CRACD: variants seen among roughly 807,000 people sequenced by gnomAD.
CRACD encodes capping protein inhibiting regulator of actin dynamics.
Under a neutral mutation model 106.8 loss-of-function variants are expected in CRACD, and 56 were observed. The ratio of observed to expected loss-of-function variants is 0.52; its 90% CI spans 0.42 to 0.66. The LOEUF is 0.66. Ranked by LOEUF, CRACD falls within the 30% of genes least tolerant of loss-of-function variation. The pLI is 0.00. For synonymous variants in CRACD, 754 were observed against 670.8 expected (o/e 1.12, Z -1.92); for missense variants, 1,730 against 1,623.2 (o/e 1.07, Z -1.13).
At chr4:56,194,162 C>G (rs1215815320) in intron 2 of CRACD, among the ~76,000 whole-genome samples, 1 of 152,118 alleles carries the variant, frequency 6.6e-6, no homozygotes, top group African/African-American at 2.4e-5. Flanking sequence ...TATACAGTGG[C>G]AAAAGATTCT....
At chr4:56,066,001 G>A (rs1328486597) in intron 1 of CRACD, among the ~76,000 whole-genome samples, 1 of 152,174 alleles carries the variant, frequency 6.6e-6, no homozygotes, top group Non-Finnish European at 1.5e-5. Context: ...TATTCACGTG[G>A]TAGCATCTAT....
At chr4:56,298,048 C>T in intron 3 of CRACD, 166 bp from the exon 4 acceptor site, 1 of 658,144 alleles carries the variant, frequency 1.5e-6, no homozygotes, top group Non-Finnish European at 2.5e-6. Context: ...CTTTTGTCTA[C>T]CCAGCTCCTT....
intron 3 of CRACD, among the ~76,000 whole-genome samples, chr4:56,286,525 C>CAAAAAAAAA (rs61498428): frequency 5.5e-4 from 49 of 89,372 alleles, no homozygotes; most frequent in African/African-American, 1.4e-3. Flanking sequence ...GACTCCGTCT[C>CAAAAAAAAA]AAAAAAAAAA....
chr4:56,188,428 A>G (rs80044287), intron 2 of CRACD, among the ~76,000 whole-genome samples: 3,007 of 151,888 alleles, frequency 0.02, 107 homozygotes, highest in African/African-American at 0.069. Flanking sequence ...GATAGATGAG[A>G]TTGCTCACCC....
At chr4:56,299,625 G>A (rs1194179340) in intron 4 of CRACD, among the ~76,000 whole-genome samples, 4 of 151,356 alleles carry the variant, frequency 2.6e-5, no homozygotes, top group Non-Finnish European at 5.9e-5. Flanking sequence ...AACTGAGATT[G>A]CACCACTGCA....
intron 10 of CRACD, 84 bp from the exon 11 acceptor site, chr4:56,327,560 T>C: frequency 8.6e-7 from 1 of 1,169,432 alleles, no homozygotes; most frequent in Non-Finnish European, 1.2e-6. Flanking sequence ...GATAAATACA[T>C]AGTTTATCAT....
chr4:56,159,964 A>G (rs2109902080), intron 1 of CRACD, among the ~76,000 whole-genome samples: 1 of 150,746 alleles, frequency 6.6e-6, no homozygotes, highest in South Asian at 2.1e-4. Context: ...TATTTTTAGT[A>G]GAGACGGGGT....
chr4:56,146,245 G>T (rs562305194), intron 1 of CRACD, among the ~76,000 whole-genome samples: 2 of 151,976 alleles, frequency 1.3e-5, no homozygotes, highest in East Asian at 3.9e-4. Context: ...AGATATAAAG[G>T]CATTCGTTTT....
intron 1 of CRACD, among the ~76,000 whole-genome samples, chr4:56,090,020 T>G (rs1220292556): frequency 6.6e-6 from 1 of 152,112 alleles, no homozygotes; most frequent in Non-Finnish European, 1.5e-5. Flanking sequence ...AACCAAAATA[T>G]TCTGAGGGGC....
chr4:56,101,890 T>C (rs1463231717), intron 1 of CRACD, among the ~76,000 whole-genome samples: 1 of 152,208 alleles, frequency 6.6e-6, no homozygotes, highest in African/African-American at 2.4e-5. Context: ...CAGATTTGTT[T>C]AGGGATTTGT....
At chr4:56,202,364 G>T (rs573765784) in intron 2 of CRACD, among the ~76,000 whole-genome samples, 1 of 151,834 alleles carries the variant, frequency 6.6e-6, no homozygotes, top group Admixed American at 6.6e-5. Flanking sequence ...CTCTTGCCTC[G>T]GCCTCCCAGG....
intron 1 of CRACD, among the ~76,000 whole-genome samples, chr4:56,087,606 A>C (rs1232029148): frequency 6.6e-6 from 1 of 152,048 alleles, no homozygotes; most frequent in Non-Finnish European, 1.5e-5. Flanking sequence ...TGTCACCTCT[A>C]TGCTTATTGC....
At chr4:56,070,836 C>T (rs906906446) in intron 1 of CRACD, among the ~76,000 whole-genome samples, 1 of 60,456 alleles carries the variant, frequency 1.7e-5, no homozygotes, top group Admixed American at 1.4e-4. Context: ...GCAGGAATGC[C>T]AGGGGCTATG....
chr4:56,313,702 G>A (rs1280728062), intron 7 of CRACD, among the ~76,000 whole-genome samples: 1 of 152,112 alleles, frequency 6.6e-6, no homozygotes, highest in Non-Finnish European at 1.5e-5. Flanking sequence ...AAGCTCCAGG[G>A]GACATTAATG....
At chr4:56,122,059 A>C (rs576495915) in intron 1 of CRACD, among the ~76,000 whole-genome samples, 10 of 152,286 alleles carry the variant, frequency 6.6e-5, no homozygotes, top group South Asian at 6.2e-4. Flanking sequence ...CTGTAGTCCC[A>C]GCTACTGGGT....
chr4:56,324,150 G>A lies in CRACD; in HGVS notation c.3425G>A (p.Gly1142Asp). The change falls in exon 10 of 11, where the codon GGT (glycine) becomes GAT (aspartate). Residue 1142 changes from glycine (G) to aspartate (D), a missense_variant. By Grantham distance (94) the Gly-to-Asp change is moderately conservative. This residue lies in a region of CRACD where 89 missense variants were observed against 89.6 expected (regional missense o/e 0.99). Transcript: ENST00000682029. ...QPGSSSVSRA[G>D]SLHKSTALPE... ...GGAAGCAGCAGTGTCAGCAGAGCAG[G>A]TTCCCTGCACAAGTCCACTGCTCTG... 1 of 1,614,186 alleles carries A rather than the reference G, an allele frequency of 6.2e-7. No individual in the cohort carries two copies. The highest frequency in any genetic ancestry group is 1.1e-5 in the South Asian group (1 of 91,064).
chr4:56,172,882 A>G (rs1178725278), intron 1 of CRACD, among the ~76,000 whole-genome samples: 1 of 152,146 alleles, frequency 6.6e-6, no homozygotes, highest in African/African-American at 2.4e-5. Context: ...TCAGCCTCCC[A>G]AAGTGCTGGA....
chr4:56,319,920 T>G (rs1745959796), intron 8 of CRACD, among the ~76,000 whole-genome samples: 1 of 152,074 alleles, frequency 6.6e-6, no homozygotes, highest in South Asian at 2.1e-4. Context: ...ACACCTATAA[T>G]CCCACAGTTT....
At chr4:56,169,276 AGG>A (rs1736266810) in intron 1 of CRACD, among the ~76,000 whole-genome samples, 1 of 152,212 alleles carries the variant, frequency 6.6e-6, no homozygotes, top group Non-Finnish European at 1.5e-5. Context: ...TCCATATGGA[AGG>A]CCATATGGTT....
Sources: allele counts gnomAD v4.1 joint callset (sites outside exome capture counted in the v4.1 genomes callset), GRCh38; gene constraint gnomAD v4.1.1; regional missense constraint gnomAD v4.1.1; transcripts MANE v1.5; gene names NCBI Gene and HGNC (gene_info 2026-07-23, HGNC 2026-07-21).